CACNA2D1: variants seen among roughly 807,000 people sequenced by gnomAD.
The protein encoded by CACNA2D1 is calcium voltage-gated channel auxiliary subunit alpha2delta 1.
CACNA2D1 carries 53 observed loss-of-function variants against 171.5 expected under a neutral mutation model. The ratio of observed to expected loss-of-function variants is 0.31; its 90% CI spans 0.25 to 0.39. The LOEUF is 0.39. Among genes scored for constraint, CACNA2D1 ranks in the 10% least tolerant of loss-of-function variants. CACNA2D1 has a pLI of 1.00. For synonymous variants in CACNA2D1, 442 were observed against 443.1 expected (o/e 1.00, Z 0.03); for missense variants, 903 against 1,299.8 (o/e 0.69, Z 4.69).
At chr7:82,366,900 G>GA (rs1821789883) in intron 1 of CACNA2D1, among the ~76,000 whole-genome samples, 3 of 97,046 alleles carry the variant, frequency 3.1e-5, no homozygotes, top group Non-Finnish European at 7.2e-5. Context: ...CACTGGTTTT[G>GA]ACCTTTTTTT....
chr7:82,193,973 G>A (rs77791946), intron 3 of CACNA2D1, among the ~76,000 whole-genome samples: 4 of 151,960 alleles, frequency 2.6e-5, no homozygotes, highest in Non-Finnish European at 4.4e-5. Context: ...CTTTCATGGT[G>A]CACTGGAATC....
chr7:81,968,918 T>C lies in CACNA2D1; in HGVS notation c.2364A>G (p.Ile788Met). ...SGIMVSKAVE[I>M]YIQGKLLKPA... is the part of the protein sequence containing the mutation. Reference sequence around the variant, plus strand: ...GTTTAAGAAGTTTCCCTTGAATATATATTTCTACAGCTTTGCTTACCATAA... The same window carrying C: ...GTTTAAGAAGTTTCCCTTGAATATACATTTCTACAGCTTTGCTTACCATAA... The change falls in exon 29 of 39, where the codon ATA (isoleucine) becomes ATG (methionine). Residue 788 changes from isoleucine (I) to methionine (M), a missense_variant. Physicochemically the swap from Ile to Met is conservative, Grantham distance 10. Around this residue, in one of 5 missense-constraint regions of CACNA2D1, gnomAD observed 623 missense variants for 925.5 expected, o/e 0.67. Transcript: ENST00000356860. The C allele has an allele frequency of 6.3e-7, 1 of 1,589,442 alleles. No homozygotes were observed. Among genetic ancestry groups the C allele is most frequent in the East Asian group, 2.2e-5 (1 of 44,556 alleles).
At chr7:81,963,806 A>C (rs1337813454) in intron 34 of CACNA2D1, among the ~76,000 whole-genome samples, 2 of 151,864 alleles carry the variant, frequency 1.3e-5, no homozygotes, top group East Asian at 1.9e-4. Context: ...TAGAGGAAGG[A>C]AGACTCTAAA....
chr7:82,190,268 T>C (rs966509028), intron 3 of CACNA2D1, among the ~76,000 whole-genome samples: 8 of 151,878 alleles, frequency 5.3e-5, no homozygotes, highest in African/African-American at 1.9e-4. Context: ...GAATTTAGTT[T>C]ATCAATTAGT....
chr7:82,038,940 A>G (rs973257851), intron 10 of CACNA2D1, among the ~76,000 whole-genome samples: 5 of 152,140 alleles, frequency 3.3e-5, no homozygotes, highest in African/African-American at 1.2e-4. Flanking sequence ...AACTTCGTCA[A>G]CCCCATAAAA....
chr7:82,407,757 G>A (rs934307798), intron 1 of CACNA2D1, among the ~76,000 whole-genome samples: 1 of 151,790 alleles, frequency 6.6e-6, no homozygotes, highest in Admixed American at 6.6e-5. Flanking sequence ...CTATTCCTGG[G>A]GACTAGACAC....
intron 4 of CACNA2D1, among the ~76,000 whole-genome samples, chr7:82,153,821 C>T (rs1794089375): frequency 6.6e-6 from 1 of 150,578 alleles, no homozygotes; most frequent in Admixed American, 6.7e-5. Flanking sequence ...CTAAGATATA[C>T]AATTCTACCC....
At chr7:82,279,125 T>C (rs1475935278) in intron 3 of CACNA2D1, among the ~76,000 whole-genome samples, 2 of 152,318 alleles carry the variant, frequency 1.3e-5, no homozygotes, top group Non-Finnish European at 2.9e-5. Context: ...GCCAACTACA[T>C]GGTCAGTATT....
At chr7:82,061,080 A>C (rs1584592982) in intron 9 of CACNA2D1, among the ~76,000 whole-genome samples, 1 of 152,270 alleles carries the variant, frequency 6.6e-6, no homozygotes, top group South Asian at 2.1e-4. Flanking sequence ...GGCTGGCTCA[A>C]CTCTAGGCAA....
chr7:82,051,865 G>GT (rs1264443947), intron 10 of CACNA2D1, among the ~76,000 whole-genome samples: 1 of 152,178 alleles, frequency 6.6e-6, no homozygotes, highest in Non-Finnish European at 1.5e-5. Flanking sequence ...AACTGGATTA[G>GT]TGGGAAAACA....
chr7:82,203,357 A>G (rs1457753211), intron 3 of CACNA2D1, among the ~76,000 whole-genome samples: 1 of 152,190 alleles, frequency 6.6e-6, no homozygotes, highest in Non-Finnish European at 1.5e-5. Context: ...GACTTGGCCA[A>G]TGCCTTCTCT....
At chr7:81,993,116 ATT>A (rs1797712546) in intron 20 of CACNA2D1, among the ~76,000 whole-genome samples, 2 of 152,162 alleles carry the variant, frequency 1.3e-5, no homozygotes, top group Admixed American at 6.5e-5. Context: ...GATTCATATA[ATT>A]TCTCATTTAT....
intron 6 of CACNA2D1, among the ~76,000 whole-genome samples, chr7:82,096,326 C>G (rs1420812012): frequency 6.6e-6 from 1 of 152,086 alleles, no homozygotes; most frequent in Non-Finnish European, 1.5e-5. Context: ...TTGCAGACTC[C>G]TATACCCGAG....
chr7:82,179,045 C>T (rs1796843365), intron 3 of CACNA2D1, among the ~76,000 whole-genome samples: 1 of 151,738 alleles, frequency 6.6e-6, no homozygotes, highest in African/African-American at 2.4e-5. Context: ...GACTTTCTGG[C>T]CACAAAAGCT....
intron 6 of CACNA2D1, among the ~76,000 whole-genome samples, chr7:82,096,382 A>C (rs1375892693): frequency 1.3e-5 from 2 of 152,134 alleles, no homozygotes; most frequent in Non-Finnish European, 2.9e-5. Flanking sequence ...ACTTTACTGG[A>C]AGAGAAACAC....
intron 7 of CACNA2D1, among the ~76,000 whole-genome samples, chr7:82,070,145 C>A (rs1248623636): frequency 6.6e-6 from 1 of 152,130 alleles, no homozygotes; most frequent in African/African-American, 2.4e-5. Context: ...CAGAATGGAT[C>A]CTCCACAGTC....
chr7:82,233,598 T>A (rs1031110477), intron 3 of CACNA2D1, among the ~76,000 whole-genome samples: 6 of 152,076 alleles, frequency 3.9e-5, no homozygotes, highest in African/African-American at 1.4e-4. Flanking sequence ...GTACACCAGA[T>A]GAAAATAGTA....
intron 3 of CACNA2D1, among the ~76,000 whole-genome samples, chr7:82,258,808 CTTACTTTT>C (rs770487922): frequency 0.018 from 1,403 of 76,248 alleles, 19 homozygotes; most frequent in Non-Finnish European, 0.032. Flanking sequence ...TTCTTTCTTT[CTTACTTTT>C]CTTTTTTTTT....
intron 3 of CACNA2D1, among the ~76,000 whole-genome samples, chr7:82,327,281 C>G (rs1816771413): frequency 1.3e-5 from 2 of 152,182 alleles, no homozygotes; most frequent in Admixed American, 1.3e-4. Context: ...CCCTTGCAGC[C>G]AAAGGTTGCC....
Sources: gnomAD v4.1 joint callset for allele counts (sites outside exome capture counted in the v4.1 genomes callset) on GRCh38, gnomAD v4.1.1 for gene constraint, gnomAD v4.1.1 regional missense constraint, MANE v1.5 for transcripts, NCBI Gene and HGNC (gene_info 2026-07-23, HGNC 2026-07-21) for gene names.